ESYT2: variants seen among roughly 807,000 people sequenced by gnomAD.
The protein encoded by ESYT2 is extended synaptotagmin-2.
ESYT2 carries 54 observed loss-of-function variants against 107.2 expected under a neutral mutation model. That is an observed-to-expected ratio of 0.50 (90% CI 0.40 to 0.63). ESYT2 has a LOEUF of 0.63. Ranked by LOEUF, ESYT2 falls within the 30% of genes least tolerant of loss-of-function variation. The pLI, the probability that ESYT2 is intolerant of heterozygous loss-of-function variation, is 0.00. For synonymous variants in ESYT2, 491 were observed against 434.1 expected (o/e 1.13, Z -1.63); for missense variants, 1,020 against 1,094.5 (o/e 0.93, Z 0.96).
In ESYT2 at chr7:158,752,849, A is replaced by C. The variant is rs765005964; in HGVS notation, c.1420-6T>G. ...TTAAATTCTAATGGGTTACTCTTTC[A>C]AGTCAGAAGAAAACGAATATGCCAA... On this transcript the variant is annotated splice_polypyrimidine_tract_variant and splice_region_variant and intron_variant, in intron 13 of 22. Coordinates refer to ENST00000275418, the MANE Select transcript of ESYT2 (RefSeq NM_001367773.1). 6 of 1,302,710 alleles carry C rather than the reference A, an allele frequency of 4.6e-6. No homozygotes were observed. Among genetic ancestry groups the C allele is most frequent in the Admixed American group, 2.3e-5 (1 of 43,502 alleles). 80.7% of individuals were successfully genotyped at this position (1,302,710 alleles called of 1,614,324 possible). A position where few individuals can be genotyped will look rare whatever the true frequency, so the allele number is the denominator to read the frequency against.
chr7:158,782,637 T>C (rs1368419288), intron 6 of ESYT2, among the ~76,000 whole-genome samples: 4 of 56,470 alleles, frequency 7.1e-5, no homozygotes, highest in Admixed American at 1.7e-4. Flanking sequence ...GAAGTGGGTA[T>C]GTGAGAACAA....
chr7:158,811,081 G>T (rs183479353), intron 1 of ESYT2, among the ~76,000 whole-genome samples: 7 of 149,764 alleles, frequency 4.7e-5, no homozygotes. Flanking sequence ...GATCACTTGA[G>T]CCCAGGAGGT....
At chr7:158,736,335 A>C (rs1369579089) in intron 20 of ESYT2, among the ~76,000 whole-genome samples, 2 of 152,234 alleles carry the variant, frequency 1.3e-5, no homozygotes, top group Admixed American at 1.3e-4. Flanking sequence ...CGTAAACTGA[A>C]TTAGCAGATA....
At chr7:158,819,310 CTAA>C (rs1840227596) in intron 1 of ESYT2, among the ~76,000 whole-genome samples, 1 of 152,206 alleles carries the variant, frequency 6.6e-6, no homozygotes, top group Admixed American at 6.5e-5. Context: ...AGACACAGAT[CTAA>C]TAAATAGCTC....
intron 1 of ESYT2, among the ~76,000 whole-genome samples, chr7:158,806,123 G>GCGTGGGAGGCGCCGGGGCACACCA (rs1839823857): frequency 6.8e-6 from 1 of 147,192 alleles, no homozygotes. Flanking sequence ...GGGGCACACC[G>GCGTGGGAGGCGCCGGGGCACACCA]CGTGGGAGGT....
chr7:158,774,304 A>C (rs1019296608), intron 6 of ESYT2, among the ~76,000 whole-genome samples: 2 of 152,212 alleles, frequency 1.3e-5, no homozygotes, highest in African/African-American at 4.8e-5. Context: ...ACAAACAAAC[A>C]AAAAACAATT....
chr7:158,767,683 T>C lies in ESYT2; in HGVS notation c.895A>G (p.Ile299Val), dbSNP rs1838209943. The C allele has an allele frequency of 6.2e-7, 1 of 1,612,708 alleles. No individual in the cohort carries two copies. Among genetic ancestry groups the C allele is most frequent in the South Asian group, 1.1e-5 (1 of 90,742 alleles). Residue 299 changes from isoleucine to valine, a missense_variant, in exon 8 of 23, where the codon ATA (isoleucine) becomes GTA (valine). Coordinates refer to ENST00000275418, the MANE Select transcript of ESYT2 (RefSeq NM_001367773.1). ...ITVPLVSEVQ[I>V]AQLRFPVPKG... ...GGTACAGGAAACCGCAACTGAGCTATTTGAACTTCACTGACAAGTGGAACG... is the reference window on the plus strand; with the variant it reads ...GGTACAGGAAACCGCAACTGAGCTACTTGAACTTCACTGACAAGTGGAACG...
At chr7:158,794,177 A>G (rs1177107982) in intron 3 of ESYT2, among the ~76,000 whole-genome samples, 1 of 152,128 alleles carries the variant, frequency 6.6e-6, no homozygotes, top group Non-Finnish European at 1.5e-5. Flanking sequence ...TTTATTCTTT[A>G]TGTCTCATAA....
chr7:158,749,183 T>G (rs1190046754), intron 15 of ESYT2, among the ~76,000 whole-genome samples: 1 of 152,112 alleles, frequency 6.6e-6, no homozygotes, highest in Admixed American at 6.6e-5. Context: ...CTCGGCTCAC[T>G]GCAACCTCTG....
At position 158,824,430 on chromosome 7, in the gene ESYT2, AT is replaced by A. The variant is rs1367084029; in HGVS notation, c.330+4658del. 6.6e-5 allele frequency among the ~76,000 whole-genome samples: 10 copies of A among 152,368 alleles called. 1 individual carries two copies. Among genetic ancestry groups the A allele is most frequent in the African/African-American group, 1.7e-4 (7 of 41,584 alleles). Reference sequence around the variant, plus strand: ...AATGATTAACACTGAGAATAAAAAAATATTTGCCCTTTCTTTACATGAGATC... The same window carrying A: ...AATGATTAACACTGAGAATAAAAAAAATTTGCCCTTTCTTTACATGAGATC... On this transcript the variant is annotated intron_variant, in intron 1 of 22. Transcript: ENST00000275418.
intron 1 of ESYT2, among the ~76,000 whole-genome samples, chr7:158,802,007 A>T (rs1839660688): frequency 6.6e-6 from 1 of 152,214 alleles, no homozygotes; most frequent in Admixed American, 6.5e-5. Context: ...GGGAACAGGT[A>T]GAATAAAGAG....
At chr7:158,803,225 G>A (rs1839697681) in intron 1 of ESYT2, among the ~76,000 whole-genome samples, 1 of 152,214 alleles carries the variant, frequency 6.6e-6, no homozygotes, top group Non-Finnish European at 1.5e-5. Flanking sequence ...AAACACCAAC[G>A]TTCCTACACC....
intron 4 of ESYT2, among the ~76,000 whole-genome samples, chr7:158,791,880 G>C (rs1839303876): frequency 6.6e-6 from 1 of 152,176 alleles, no homozygotes; most frequent in African/African-American, 2.4e-5. Flanking sequence ...GCTTTAGGTA[G>C]TAGTAACATC....
At chr7:158,786,264 G>A (rs1839112979) in intron 6 of ESYT2, among the ~76,000 whole-genome samples, 1 of 152,170 alleles carries the variant, frequency 6.6e-6, no homozygotes, top group Non-Finnish European at 1.5e-5. Context: ...ATTCTGAAAT[G>A]AACTTTTTAA....
intron 6 of ESYT2, among the ~76,000 whole-genome samples, chr7:158,782,610 G>C (rs117594104): frequency 6.6e-6 from 1 of 151,198 alleles, no homozygotes; most frequent in Non-Finnish European, 1.5e-5. Flanking sequence ...AAGAGCGTGT[G>C]ACAAATGAGA....
chr7:158,759,435 A>T, intron 13 of ESYT2, 51 bp downstream of exon 13: 1 of 1,425,538 alleles, frequency 7.0e-7, no homozygotes, highest in Non-Finnish European at 9.8e-7. Context: ...TATAAGCAAG[A>T]GCAGCTGCTA....
At chr7:158,774,785 C>T (rs1040523204) in intron 6 of ESYT2, among the ~76,000 whole-genome samples, 3 of 152,162 alleles carry the variant, frequency 2.0e-5, no homozygotes, top group Admixed American at 6.5e-5. Context: ...GCATTTGACT[C>T]AGGTTAAAAT....
chr7:158,746,518 A>G (rs995421752), intron 16 of ESYT2, among the ~76,000 whole-genome samples: 1 of 151,994 alleles, frequency 6.6e-6, no homozygotes, highest in Non-Finnish European at 1.5e-5. Flanking sequence ...TCAAGAAAAA[A>G]AAAAAAAAAG....
At chr7:158,740,199 C>T (rs541228826) in intron 18 of ESYT2, among the ~76,000 whole-genome samples, 4 of 152,328 alleles carry the variant, frequency 2.6e-5, no homozygotes, top group African/African-American at 9.6e-5. Context: ...AGAGGCTGGG[C>T]ACTCTGCGGC....
Sources: gnomAD v4.1 joint callset for allele counts (sites outside exome capture counted in the v4.1 genomes callset) on GRCh38, gnomAD v4.1.1 for gene constraint, MANE v1.5 for transcripts, NCBI Gene and HGNC (gene_info 2026-07-23, HGNC 2026-07-21) for gene names.